The following GALNTL6 variants were observed in gnomAD, a reference collection of about 807,000 sequenced individuals.
GALNTL6 encodes polypeptide N-acetylgalactosaminyltransferase like 6.
A neutral mutation model predicts 73.7 loss-of-function variants in GALNTL6; 46 were observed. The observed-to-expected ratio is 0.62, with a 90% CI of 0.49 to 0.80. GALNTL6 has a LOEUF of 0.80. Ranked by LOEUF, GALNTL6 falls within the 30% of genes least tolerant of loss-of-function variation. The pLI is 0.00. For missense variants in GALNTL6, 604 were observed against 755.0 expected, an observed-to-expected ratio of 0.80 and a Z score of 2.34; for synonymous variants, 259 against 263.7, an observed-to-expected ratio of 0.98 and a Z score of 0.17.
At chr4:172,628,887 A>G (rs1739274467) in intron 5 of GALNTL6, among the ~76,000 whole-genome samples, 1 of 152,054 alleles carries the variant, frequency 6.6e-6, no homozygotes, top group Admixed American at 6.6e-5. Flanking sequence ...GATTTTCAAG[A>G]TCCTTCATTT....
intron 5 of GALNTL6, among the ~76,000 whole-genome samples, chr4:172,620,349 A>G (rs774510173): frequency 2.0e-5 from 3 of 152,198 alleles, no homozygotes; most frequent in Non-Finnish European, 4.4e-5. Flanking sequence ...AGGTCCCTAT[A>G]GTACATTTTA....
chr4:172,077,936 A>G (rs939935817), intron 2 of GALNTL6, among the ~76,000 whole-genome samples: 2 of 152,146 alleles, frequency 1.3e-5, no homozygotes, highest in African/African-American at 4.8e-5. Context: ...GGCGCCCTGC[A>G]TCTCAGTTGC....
chr4:172,323,283 C>A (rs985204518), intron 4 of GALNTL6, among the ~76,000 whole-genome samples: 2 of 152,068 alleles, frequency 1.3e-5, no homozygotes, highest in African/African-American at 2.4e-5. Flanking sequence ...ATTTTTCAGA[C>A]CTGTCAAAAG....
intron 2 of GALNTL6, among the ~76,000 whole-genome samples, chr4:171,979,541 T>C (rs1739828408): frequency 6.6e-6 from 1 of 152,112 alleles, no homozygotes; most frequent in South Asian, 2.1e-4. Context: ...TATCCACGGG[T>C]AACAGAACTA....
At chr4:172,496,264 G>T (rs1182142802) in intron 5 of GALNTL6, among the ~76,000 whole-genome samples, 3 of 152,090 alleles carry the variant, frequency 2.0e-5, no homozygotes, top group Non-Finnish European at 4.4e-5. Flanking sequence ...TTTGCAAAAG[G>T]TCCATAGAAT....
intron 10 of GALNTL6, among the ~76,000 whole-genome samples, chr4:172,952,677 A>G (rs753682365): frequency 1.3e-5 from 2 of 152,098 alleles, no homozygotes; most frequent in Non-Finnish European, 2.9e-5. Context: ...CACGACACTC[A>G]GCTAATTTTT....
At chr4:171,938,965 T>C (rs1738437957) in intron 2 of GALNTL6, among the ~76,000 whole-genome samples, 2 of 152,198 alleles carry the variant, frequency 1.3e-5, no homozygotes, top group Admixed American at 6.6e-5. Context: ...GATAAATAAA[T>C]TATTAGCATA....
chr4:171,939,562 A>G (rs1415948562), intron 2 of GALNTL6, among the ~76,000 whole-genome samples: 1 of 152,020 alleles, frequency 6.6e-6, no homozygotes, highest in Non-Finnish European at 1.5e-5. Flanking sequence ...AGAATACAGA[A>G]TTTCTCTGTG....
At chr4:172,738,296 T>C (rs1736586865) in intron 5 of GALNTL6, among the ~76,000 whole-genome samples, 1 of 152,194 alleles carries the variant, frequency 6.6e-6, no homozygotes, top group Non-Finnish European at 1.5e-5. Flanking sequence ...GTCCATCATC[T>C]GCTCAGTTTT....
intron 5 of GALNTL6, among the ~76,000 whole-genome samples, chr4:172,637,357 T>C (rs936950091): frequency 9.9e-5 from 15 of 152,144 alleles, no homozygotes; most frequent in African/African-American, 3.4e-4. Context: ...TGTACAATGC[T>C]TTAGACAGGA....
intron 5 of GALNTL6, among the ~76,000 whole-genome samples, chr4:172,748,331 T>C (rs1737229660): frequency 1.3e-5 from 2 of 152,034 alleles, no homozygotes; most frequent in Non-Finnish European, 2.9e-5. Flanking sequence ...TGGGACAATT[T>C]AGACCCACCA....
At chr4:172,695,003 G>A (rs147468086) in intron 5 of GALNTL6, among the ~76,000 whole-genome samples, 100 of 152,220 alleles carry the variant, frequency 6.6e-4, no homozygotes, top group African/African-American at 2.2e-3. Context: ...CACAGTCTTT[G>A]GCAAATCATG....
At chr4:172,881,383 GC>G (rs1745442416) in intron 7 of GALNTL6, among the ~76,000 whole-genome samples, 1 of 152,074 alleles carries the variant, frequency 6.6e-6, no homozygotes, top group Non-Finnish European at 1.5e-5. Flanking sequence ...TCTGAATTCT[GC>G]CCACTTTCCT....
intron 5 of GALNTL6, among the ~76,000 whole-genome samples, chr4:172,804,201 T>C (rs1260769174): frequency 2.0e-5 from 3 of 152,176 alleles, no homozygotes; most frequent in African/African-American, 7.2e-5. Context: ...ATCACTCTGG[T>C]AAAAACCTCA....
At chr4:171,943,196 G>A (rs1248684020) in intron 2 of GALNTL6, among the ~76,000 whole-genome samples, 1 of 152,126 alleles carries the variant, frequency 6.6e-6, no homozygotes, top group Non-Finnish European at 1.5e-5. Flanking sequence ...CAAAATATAA[G>A]TTCTTATGAT....
At chr4:172,251,149 G>A (rs1019718265) in intron 3 of GALNTL6, among the ~76,000 whole-genome samples, 60 of 152,178 alleles carry the variant, frequency 3.9e-4, no homozygotes, top group African/African-American at 1.3e-3. Flanking sequence ...ATCTGATGGT[G>A]GAGGTTGGCA....
chr4:173,007,456 C>T (rs958759562), intron 10 of GALNTL6, among the ~76,000 whole-genome samples: 3 of 152,198 alleles, frequency 2.0e-5, no homozygotes, highest in African/African-American at 7.2e-5. Flanking sequence ...TCCATCTCTG[C>T]TACAGGCTGT....
At chr4:171,924,215 A>AACAC (rs145843057) in intron 2 of GALNTL6, among the ~76,000 whole-genome samples, 11 of 118,704 alleles carry the variant, frequency 9.3e-5, no homozygotes, top group Admixed American at 6.5e-4. Flanking sequence ...CACACACACA[A>AACAC]ACACACACAC....
intron 8 of GALNTL6, among the ~76,000 whole-genome samples, chr4:172,917,127 G>A (rs1233278133): frequency 1.3e-5 from 2 of 152,162 alleles, no homozygotes; most frequent in Non-Finnish European, 2.9e-5. Context: ...TGACAAACCT[G>A]ACAAAAACAA....
Sources: allele counts gnomAD v4.1 joint callset (sites outside exome capture counted in the v4.1 genomes callset), GRCh38; gene constraint gnomAD v4.1.1; transcripts MANE v1.5; gene names NCBI Gene and HGNC (gene_info 2026-07-23, HGNC 2026-07-21).